Variants in RIT2 observed in about 807,000 individuals in gnomAD.
The protein encoded by RIT2 is GTP-binding protein Rit2.
In RIT2, 24 loss-of-function variants were observed where a neutral mutation model predicts 23.7. That is an observed-to-expected ratio of 1.01 (90% CI 0.73 to 1.43). RIT2 has a LOEUF of 1.43. Among genes scored for constraint, RIT2 ranks in the 40% most tolerant of loss-of-function variants. The probability of loss-of-function intolerance (pLI) is 0.00; values close to 1 mark genes in which losing one functional copy is unlikely to be tolerated. For synonymous variants in RIT2, 107 were observed against 91.1 expected (o/e 1.17, Z -0.99); for missense variants, 236 against 266.9 (o/e 0.88, Z 0.81).
chr18:42,827,923 C>T (rs377704007), intron 4 of RIT2, among the ~76,000 whole-genome samples: 19 of 143,938 alleles, frequency 1.3e-4, no homozygotes, highest in East Asian at 6.2e-4. Context: ...GAGAATGGTG[C>T]GAACCCGGGA....
chr18:42,942,281 C>T (rs1244129689), intron 3 of RIT2, among the ~76,000 whole-genome samples: 1 of 152,066 alleles, frequency 6.6e-6, no homozygotes, highest in Non-Finnish European at 1.5e-5. Flanking sequence ...GCTGGCAGGA[C>T]TCAACTTCTA....
At chr18:43,075,164 C>T (rs7243498) in intron 1 of RIT2, among the ~76,000 whole-genome samples, 141,951 of 152,254 alleles carry the variant, frequency 0.93, 66,915 homozygotes, top group East Asian at 1. Flanking sequence ...TTCAACTCTA[C>T]CCTGCTTTGA....
intron 2 of RIT2, among the ~76,000 whole-genome samples, chr18:42,997,012 T>C (rs2144236287): frequency 6.6e-6 from 1 of 152,306 alleles, no homozygotes; most frequent in South Asian, 2.1e-4. Flanking sequence ...TTATAGTCCC[T>C]GTGTCACCTT....
intron 2 of RIT2, among the ~76,000 whole-genome samples, chr18:43,005,542 G>T (rs2144247526): frequency 6.6e-6 from 1 of 151,782 alleles, no homozygotes; most frequent in South Asian, 2.1e-4. Flanking sequence ...CTCCTGCTGG[G>T]CAGTGACAGC....
intron 2 of RIT2, among the ~76,000 whole-genome samples, chr18:43,008,208 A>T (rs1911269252): frequency 6.6e-6 from 1 of 151,658 alleles, no homozygotes; most frequent in South Asian, 2.1e-4. Flanking sequence ...TTTTAAAATA[A>T]ATTGCTCAAA....
At chr18:42,929,958 G>T (rs1205304157) in intron 3 of RIT2, among the ~76,000 whole-genome samples, 1 of 152,162 alleles carries the variant, frequency 6.6e-6, no homozygotes, top group Admixed American at 6.6e-5. Flanking sequence ...AAAGATGGAT[G>T]TTCCAGGAGT....
At chr18:42,863,025 G>A (rs1907370034) in intron 4 of RIT2, among the ~76,000 whole-genome samples, 1 of 148,500 alleles carries the variant, frequency 6.7e-6, no homozygotes, top group African/African-American at 2.6e-5. Context: ...GGATTCACAT[G>A]CCTCCTGTTT....
intron 1 of RIT2, among the ~76,000 whole-genome samples, chr18:43,068,668 G>A (rs1201427921): frequency 6.6e-6 from 1 of 152,032 alleles, no homozygotes; most frequent in African/African-American, 2.4e-5. Context: ...AGGAATGTCT[G>A]CACAATGTCT....
At position 42,965,711 on chromosome 18, in the gene RIT2, C is replaced by CTTTTT. The variant is rs58344278; in HGVS notation, c.234+8358_234+8362dup. Among the ~76,000 whole-genome samples, 99 of 37,784 alleles carry CTTTTT rather than the reference C, an allele frequency of 2.6e-3. 30 individuals carry two copies. Among genetic ancestry groups the CTTTTT allele is most frequent in the African/African-American group, 4.0e-3 (43 of 10,618 alleles). The allele number at this position is 37,784 out of a possible 152,430, so 24.8% of individuals were successfully genotyped here. ...GGTAAACAAAGATGTGTACTGATGG[C>CTTTTT]TTTTTTTTTTTTTTTTTTTTTTTTT... On this transcript the variant is annotated intron_variant, in intron 3 of 4. Coordinates refer to ENST00000326695, the MANE Select transcript of RIT2 (RefSeq NM_002930.4).
chr18:42,774,340 C>T (rs1221506421), intron 4 of RIT2, among the ~76,000 whole-genome samples: 2 of 152,080 alleles, frequency 1.3e-5, no homozygotes, highest in African/African-American at 4.8e-5. Flanking sequence ...AGCAATTTAA[C>T]TACAGGGGGA....
At chr18:42,993,158 G>A (rs1314294784) in intron 2 of RIT2, among the ~76,000 whole-genome samples, 2 of 152,220 alleles carry the variant, frequency 1.3e-5, no homozygotes, top group Admixed American at 1.3e-4. Context: ...ACAAGTGCCA[G>A]AAATCTGGCC....
chr18:42,846,234 A>G (rs1193096034), intron 4 of RIT2, among the ~76,000 whole-genome samples: 2 of 151,988 alleles, frequency 1.3e-5, no homozygotes, highest in East Asian at 3.8e-4. Context: ...ATAAGCAAGT[A>G]GGATTAATTA....
intron 1 of RIT2, among the ~76,000 whole-genome samples, chr18:43,070,128 A>T (rs756613593): frequency 6.6e-6 from 1 of 152,160 alleles, no homozygotes. Flanking sequence ...TAGGAAAATA[A>T]GAGTGGGGGG....
intron 4 of RIT2, among the ~76,000 whole-genome samples, chr18:42,759,027 G>C (rs1489969333): frequency 6.6e-6 from 1 of 152,136 alleles, no homozygotes; most frequent in Non-Finnish European, 1.5e-5. Flanking sequence ...TGTGGGACTT[G>C]TCAGCCTTCG....
At chr18:43,114,176 A>AT (rs1202797271) in intron 1 of RIT2, among the ~76,000 whole-genome samples, 6 of 152,168 alleles carry the variant, frequency 3.9e-5, no homozygotes, top group East Asian at 3.9e-4. Flanking sequence ...GAGATGAATA[A>AT]TTTTTTTCAC....
At chr18:42,817,672 G>A (rs1906036811) in intron 4 of RIT2, among the ~76,000 whole-genome samples, 1 of 151,918 alleles carries the variant, frequency 6.6e-6, no homozygotes, top group African/African-American at 2.4e-5. Flanking sequence ...AAGGAGGGAG[G>A]ACTTTAGGGC....
intron 1 of RIT2, among the ~76,000 whole-genome samples, chr18:43,044,477 G>T (rs1161202028): frequency 6.6e-6 from 1 of 152,128 alleles, no homozygotes; most frequent in African/African-American, 2.4e-5. Context: ...GCTCATTAAT[G>T]CAGGCTAATA....
At chr18:42,773,419 A>G (rs1913596815) in intron 4 of RIT2, among the ~76,000 whole-genome samples, 2 of 152,246 alleles carry the variant, frequency 1.3e-5, no homozygotes, top group Admixed American at 1.3e-4. Flanking sequence ...TTTCTAGATC[A>G]TGAGTGTGGC....
chr18:42,968,674 AC>A (rs1568042541), intron 3 of RIT2, among the ~76,000 whole-genome samples: 1 of 152,134 alleles, frequency 6.6e-6, no homozygotes, highest in Non-Finnish European at 1.5e-5. Context: ...TTTTCTTTTA[AC>A]TTTTCCTCAT....
Sources: gnomAD v4.1 joint callset for allele counts (sites outside exome capture counted in the v4.1 genomes callset) on GRCh38, gnomAD v4.1.1 for gene constraint, MANE v1.5 for transcripts, NCBI Gene and HGNC (gene_info 2026-07-23, HGNC 2026-07-21) for gene names.